The following INPP4B variants were observed in gnomAD, a reference collection of about 807,000 sequenced individuals.
The protein encoded by INPP4B is inositol polyphosphate-4-phosphatase type II B.
Under a neutral mutation model 122.5 loss-of-function variants are expected in INPP4B, and 55 were observed. The observed-to-expected ratio is 0.45, with a 90% CI of 0.36 to 0.56. The LOEUF is 0.56. Ranked by LOEUF, INPP4B falls within the 20% of genes least tolerant of loss-of-function variation. INPP4B has a pLI of 0.00. For missense variants in INPP4B, 1,000 were observed against 1,097.7 expected (o/e 0.91, Z 1.26); for synonymous variants, 403 against 388.7 (o/e 1.04, Z -0.43).
intron 2 of INPP4B, among the ~76,000 whole-genome samples, chr4:142,511,704 T>C (rs556428429): frequency 1.3e-5 from 2 of 152,272 alleles, no homozygotes; most frequent in Admixed American, 1.3e-4. Flanking sequence ...TATTGTTTAT[T>C]GCTCTCTCAC....
intron 17 of INPP4B, among the ~76,000 whole-genome samples, chr4:142,146,203 C>A (rs982079750): frequency 2.0e-5 from 3 of 151,856 alleles, no homozygotes; most frequent in Non-Finnish European, 2.9e-5. Context: ...TATTATAAAC[C>A]TTTTTATTTA....
At chr4:142,633,098 C>A (rs1301410118) in intron 2 of INPP4B, among the ~76,000 whole-genome samples, 6 of 151,682 alleles carry the variant, frequency 4.0e-5, no homozygotes, top group Non-Finnish European at 8.8e-5. Flanking sequence ...CTGGTATAAT[C>A]ATATAATTAT....
At chr4:142,106,790 T>G (rs543696674) in intron 23 of INPP4B, among the ~76,000 whole-genome samples, 1 of 152,246 alleles carries the variant, frequency 6.6e-6, no homozygotes, top group East Asian at 1.9e-4. Context: ...GAATTTGCAT[T>G]GCTGACAAGT....
At chr4:142,239,674 A>G (rs1426736581) in intron 11 of INPP4B, among the ~76,000 whole-genome samples, 1 of 152,180 alleles carries the variant, frequency 6.6e-6, no homozygotes, top group Non-Finnish European at 1.5e-5. Flanking sequence ...AATATGTACT[A>G]AATTTATTAT....
intron 7 of INPP4B, among the ~76,000 whole-genome samples, chr4:142,382,043 A>G (rs1258369167): frequency 1.3e-5 from 2 of 152,148 alleles, no homozygotes; most frequent in Non-Finnish European, 2.9e-5. Context: ...TTTTAAAGAA[A>G]AAAACGTATC....
chr4:142,149,245 G>A (rs1812472807), intron 17 of INPP4B, among the ~76,000 whole-genome samples: 1 of 152,190 alleles, frequency 6.6e-6, no homozygotes, highest in Non-Finnish European at 1.5e-5. Flanking sequence ...AGGAAGGCAG[G>A]TAGAGAAAGA....
intron 1 of INPP4B, among the ~76,000 whole-genome samples, chr4:142,754,157 C>T (rs746994146): frequency 4.6e-5 from 7 of 152,026 alleles, no homozygotes; most frequent in Non-Finnish European, 1.0e-4. Context: ...GTGAATTTTT[C>T]ATTCAGAATT....
At chr4:142,622,554 G>A (rs1052048006) in intron 2 of INPP4B, among the ~76,000 whole-genome samples, 6 of 151,920 alleles carry the variant, frequency 3.9e-5, no homozygotes, top group South Asian at 2.1e-4. Flanking sequence ...CAATGAGACC[G>A]CCTGAGTGGA....
chr4:142,277,682 T>TACACACACACACAC (rs3076592), intron 9 of INPP4B, among the ~76,000 whole-genome samples: 3 of 147,178 alleles, frequency 2.0e-5, no homozygotes, highest in African/African-American at 7.5e-5. Flanking sequence ...CACACACACA[T>TACACACACACACAC]ACACACACAC....
chr4:142,151,611 A>G (rs916974370), intron 17 of INPP4B, among the ~76,000 whole-genome samples: 1 of 152,174 alleles, frequency 6.6e-6, no homozygotes. Context: ...AATCAGGTCT[A>G]TCTATGAGTG....
chr4:142,303,479 C>A (rs1168349119), intron 9 of INPP4B, among the ~76,000 whole-genome samples: 2 of 152,010 alleles, frequency 1.3e-5, no homozygotes, highest in Non-Finnish European at 2.9e-5. Context: ...AACAAAAATG[C>A]TTCTTAAGGC....
At chr4:142,237,410 GTT>G (rs1339668010) in intron 12 of INPP4B, among the ~76,000 whole-genome samples, 2 of 152,044 alleles carry the variant, frequency 1.3e-5, no homozygotes, top group Non-Finnish European at 2.9e-5. Flanking sequence ...TATTTTAAAA[GTT>G]TAAATAAAAA....
chr4:142,568,668 G>GA (rs1732164595), intron 2 of INPP4B, among the ~76,000 whole-genome samples: 1 of 151,862 alleles, frequency 6.6e-6, no homozygotes, highest in Admixed American at 6.6e-5. Flanking sequence ...ATTGAGAGCA[G>GA]AAAAAAATAC....
intron 25 of INPP4B, among the ~76,000 whole-genome samples, chr4:142,032,448 A>G (rs1002209978): frequency 6.6e-5 from 10 of 152,180 alleles, no homozygotes; most frequent in African/African-American, 2.4e-4. Context: ...ACCCCCCAAG[A>G]TGATCTTGGA....
chr4:142,278,385 T>C (rs1332060065), intron 9 of INPP4B, among the ~76,000 whole-genome samples: 1 of 151,890 alleles, frequency 6.6e-6, no homozygotes, highest in East Asian at 1.9e-4. Flanking sequence ...ATTCTTTTAG[T>C]TCTGACTCAT....
At chr4:142,110,489 ACTT>A (rs1789462427) in intron 22 of INPP4B, among the ~76,000 whole-genome samples, 1 of 152,218 alleles carries the variant, frequency 6.6e-6, no homozygotes, top group Non-Finnish European at 1.5e-5. Flanking sequence ...GTGAAATACT[ACTT>A]CTAGATTACA....
intron 7 of INPP4B, among the ~76,000 whole-genome samples, chr4:142,323,636 G>A (rs1047910160): frequency 6.6e-5 from 10 of 151,934 alleles, no homozygotes; most frequent in East Asian, 5.8e-4. Flanking sequence ...TAGTAGAGAC[G>A]GGGTTTCACC....
At chr4:142,487,900 T>A (rs1471271075) in intron 2 of INPP4B, among the ~76,000 whole-genome samples, 1 of 152,152 alleles carries the variant, frequency 6.6e-6, no homozygotes, top group South Asian at 2.1e-4. Context: ...GGAATTGTGA[T>A]GGCTTTTACT....
At chr4:142,172,317 A>T (rs542543597) in intron 16 of INPP4B, among the ~76,000 whole-genome samples, 3 of 152,066 alleles carry the variant, frequency 2.0e-5, no homozygotes, top group East Asian at 3.9e-4. Context: ...CATTTTTAAA[A>T]TTTCTCTGAG....
Sources: gnomAD v4.1 joint callset for allele counts (sites outside exome capture counted in the v4.1 genomes callset) on GRCh38, gnomAD v4.1.1 for gene constraint, MANE v1.5 for transcripts, NCBI Gene and HGNC (gene_info 2026-07-23, HGNC 2026-07-21) for gene names.